The following CYB5B variants were observed in gnomAD, a reference collection of about 807,000 sequenced individuals.
CYB5B encodes the protein cytochrome b5 type B, also known as cytochrome b5 type B (outer mitochondrial membrane).
In CYB5B, 14 loss-of-function variants were observed where a neutral mutation model predicts 21.3. The ratio of observed to expected loss-of-function variants is 0.66; its 90% CI spans 0.43 to 1.03. The LOEUF (loss-of-function observed/expected upper bound fraction) is 1.03, where lower values mean the gene tolerates loss of function less well. Ranked by LOEUF, CYB5B falls within the 50% of genes least tolerant of loss-of-function variation. The pLI is 0.00. For missense variants in CYB5B, 166 were observed against 185.1 expected, an observed-to-expected ratio of 0.90 and a Z score of 0.60; for synonymous variants, 69 against 68.4, an observed-to-expected ratio of 1.01 and a Z score of -0.04.
At position 69,431,223 on chromosome 16, in the gene CYB5B, A is replaced by C. The variant is rs1383133546; in HGVS notation, c.174+6366A>C. ...AGGCTGGTCTCGAACTCCTGACCTC[A>C]AGTGATCTGCCCACCTTGGCCTCCC... On this transcript the variant is annotated intron_variant, in intron 1 of 4. Coordinates refer to ENST00000307892, the MANE Select transcript of CYB5B (RefSeq NM_030579.3). Among the ~76,000 whole-genome samples, 15 of 146,772 alleles carry C rather than the reference A, an allele frequency of 1.0e-4. No individual in the cohort carries two copies. The East Asian group carries it at 1.3e-3, about 12-fold the overall frequency.
At chr16:69,435,755 A>G (rs982909974) in intron 1 of CYB5B, among the ~76,000 whole-genome samples, 2 of 151,992 alleles carry the variant, frequency 1.3e-5, no homozygotes, top group African/African-American at 4.8e-5. Context: ...CTTCTGCCTC[A>G]GCCTCCCGAG....
Position 69,424,620 on chromosome 16 carries a change from A to G in CYB5B, c.-64A>G. 2 of 1,483,500 alleles carry G rather than the reference A, an allele frequency of 1.3e-6. No homozygotes were observed. Among genetic ancestry groups the G allele is most frequent in the Non-Finnish European group, 1.8e-6 (2 of 1,113,616 alleles). The allele number at this position is 1,483,500 out of a possible 1,614,324, so 91.9% of individuals were successfully genotyped here. On this transcript the variant is annotated 5_prime_UTR_variant, in exon 1 of 5. Coordinates refer to ENST00000307892, the MANE Select transcript of CYB5B (RefSeq NM_030579.3). ...TGGGCCCTGGTTACGGAAGCCGAGG[A>G]AGGCTGAGCGCGGGCTCTCAAGGAA...
intron 3 of CYB5B, among the ~76,000 whole-genome samples, chr16:69,454,837 C>G (rs1464727112): frequency 1.3e-5 from 2 of 152,130 alleles, no homozygotes; most frequent in African/African-American, 4.8e-5. Flanking sequence ...TTTTGAAAGC[C>G]TAAATGTAAG....
intron 1 of CYB5B, among the ~76,000 whole-genome samples, chr16:69,426,699 CAAAAAA>C (rs11434223): frequency 1.0e-5 from 1 of 95,614 alleles, no homozygotes; most frequent in African/African-American, 4.2e-5. Flanking sequence ...AGCGAGACTC[CAAAAAA>C]AAAAAAAAAA....
intron 3 of CYB5B, among the ~76,000 whole-genome samples, chr16:69,453,371 T>C (rs895509582): frequency 3.3e-5 from 5 of 152,194 alleles, no homozygotes; most frequent in African/African-American, 1.2e-4. Context: ...TTATGAAATA[T>C]AGTTAGTTGA....
chr16:69,459,233 C>G (rs992129935), intron 4 of CYB5B, 112 bp downstream of exon 4: 1 of 1,319,056 alleles, frequency 7.6e-7, no homozygotes, highest in Non-Finnish European at 1.0e-6. Flanking sequence ...ACAACTAATT[C>G]TTTTTTGGCC....
At chr16:69,451,055 A>C (rs1177266258) in intron 3 of CYB5B, among the ~76,000 whole-genome samples, 1 of 152,222 alleles carries the variant, frequency 6.6e-6, no homozygotes, top group Non-Finnish European at 1.5e-5. Flanking sequence ...GAAGGCCCAG[A>C]ATTAATATAC....
chr16:69,431,997 G>C (rs77664107), intron 1 of CYB5B, among the ~76,000 whole-genome samples: 1 of 152,314 alleles, frequency 6.6e-6, no homozygotes, highest in East Asian at 1.9e-4. Flanking sequence ...TCATGAACCT[G>C]ATTTGGAAAG....
intron 1 of CYB5B, among the ~76,000 whole-genome samples, chr16:69,426,166 G>A (rs902211717): frequency 1.2e-4 from 18 of 152,186 alleles, no homozygotes; most frequent in Admixed American, 4.6e-4. Flanking sequence ...TTGAGAGGCC[G>A]AGACGGGCGG....
At chr16:69,434,137 C>A (rs1309064173) in intron 1 of CYB5B, among the ~76,000 whole-genome samples, 1 of 152,162 alleles carries the variant, frequency 6.6e-6, no homozygotes, top group African/African-American at 2.4e-5. Flanking sequence ...CACTATAGTA[C>A]GTACTCTTCT....
intron 4 of CYB5B, among the ~76,000 whole-genome samples, chr16:69,459,899 T>C (rs943888897): frequency 3.9e-5 from 6 of 152,124 alleles, no homozygotes; most frequent in Non-Finnish European, 8.8e-5. Flanking sequence ...ATCAGCGAAA[T>C]GCTGCATAAA....
intron 1 of CYB5B, 140 bp downstream of exon 1, chr16:69,424,997 A>C: frequency 1.0e-5 from 9 of 860,544 alleles, no homozygotes; most frequent in Non-Finnish European, 1.5e-5. Context: ...TCAGAGGGAA[A>C]CTGGGGTGGG....
intron 3 of CYB5B, among the ~76,000 whole-genome samples, chr16:69,454,340 C>CAGAA (rs1389051052): frequency 5.9e-5 from 9 of 152,194 alleles, no homozygotes; most frequent in Admixed American, 5.9e-4. Context: ...TATTCACATC[C>CAGAA]AGAAAGAAAT....
intron 1 of CYB5B, among the ~76,000 whole-genome samples, chr16:69,433,782 A>G (rs2014730499): frequency 6.6e-6 from 1 of 152,192 alleles, no homozygotes; most frequent in African/African-American, 2.4e-5. Context: ...TCACTTCACA[A>G]TGAGGGTGCA....
At chr16:69,448,008 C>A in intron 2 of CYB5B, 107 bp from the exon 3 acceptor site, 3 of 1,151,976 alleles carry the variant, frequency 2.6e-6, no homozygotes, top group South Asian at 1.4e-5. Flanking sequence ...CCAGGGAATT[C>A]ACTATCACCA....
chr16:69,432,016 A>G (rs898015538), intron 1 of CYB5B, among the ~76,000 whole-genome samples: 1 of 152,202 alleles, frequency 6.6e-6, no homozygotes, highest in Non-Finnish European at 1.5e-5. Flanking sequence ...AGAATACAGA[A>G]AAGAGCATTC....
chr16:69,431,704 C>T (rs770327524), intron 1 of CYB5B, among the ~76,000 whole-genome samples: 6 of 152,076 alleles, frequency 3.9e-5, no homozygotes, highest in Non-Finnish European at 8.8e-5. Flanking sequence ...GCCAGGACAT[C>T]GAGGCTGCAG....
At chr16:69,432,609 C>T (rs1283124845) in intron 1 of CYB5B, among the ~76,000 whole-genome samples, 1 of 151,988 alleles carries the variant, frequency 6.6e-6, no homozygotes, top group Admixed American at 6.6e-5. Flanking sequence ...GTTGATTTGC[C>T]CTCGTAGTCG....
At chr16:69,448,195 G>A (rs754595333) in intron 3 of CYB5B, 51 bp downstream of exon 3, 28 of 1,588,432 alleles carry the variant, frequency 1.8e-5, no homozygotes, top group African/African-American at 1.1e-4. Flanking sequence ...TACTCAAGTA[G>A]GACTGCTTTT....
Sources: allele counts gnomAD v4.1 joint callset (sites outside exome capture counted in the v4.1 genomes callset), GRCh38; gene constraint gnomAD v4.1.1; transcripts MANE v1.5; gene names NCBI Gene and HGNC (gene_info 2026-07-23, HGNC 2026-07-21).